RALGPS2: variants seen among roughly 807,000 people sequenced by gnomAD.
RALGPS2 encodes ras-specific guanine nucleotide-releasing factor RalGPS2.
A neutral mutation model predicts 86.8 loss-of-function variants in RALGPS2; 43 were observed. That is an observed-to-expected ratio of 0.50 (90% CI 0.39 to 0.64). RALGPS2 has a LOEUF of 0.64. RALGPS2 is among the 30% of genes least tolerant of loss of function. The pLI is 0.00. For synonymous variants in RALGPS2, 243 were observed against 231.3 expected, an observed-to-expected ratio of 1.05 and a Z score of -0.46; for missense variants, 536 against 694.6, an observed-to-expected ratio of 0.77 and a Z score of 2.57.
intron 6 of RALGPS2, among the ~76,000 whole-genome samples, chr1:178,815,434 T>C (rs1655179564): frequency 6.6e-6 from 1 of 152,178 alleles, no homozygotes; most frequent in Admixed American, 6.5e-5. Flanking sequence ...TAGATGCTAG[T>C]TCTCATAAGC....
intron 1 of RALGPS2, among the ~76,000 whole-genome samples, chr1:178,739,856 A>G (rs1388342089): frequency 2.0e-5 from 3 of 152,206 alleles, no homozygotes; most frequent in Non-Finnish European, 4.4e-5. Flanking sequence ...AACAGTTTGG[A>G]CAGCTGAACT....
intron 13 of RALGPS2, 39 bp from the exon 14 acceptor site, chr1:178,889,603 A>AT (rs1659635124): frequency 7.3e-7 from 1 of 1,368,422 alleles, no homozygotes; most frequent in African/African-American, 1.5e-5. Context: ...TAGAGAGGTA[A>AT]TTCTGATGTT....
chr1:178,859,100 T>C (rs1657783948), intron 8 of RALGPS2, among the ~76,000 whole-genome samples: 1 of 151,932 alleles, frequency 6.6e-6, no homozygotes, highest in African/African-American at 2.4e-5. Context: ...AATTACTTAG[T>C]TTATTAATCT....
intron 12 of RALGPS2, 133 bp downstream of exon 12, chr1:178,885,344 G>T: frequency 3.5e-6 from 3 of 867,374 alleles, no homozygotes; most frequent in South Asian, 2.2e-5. Context: ...TTCTGATTCA[G>T]TAAAATGCCT....
chr1:178,759,794 T>G (rs1240309770), intron 1 of RALGPS2, among the ~76,000 whole-genome samples: 6 of 152,140 alleles, frequency 3.9e-5, no homozygotes, highest in African/African-American at 1.4e-4. Flanking sequence ...TGTAGACATC[T>G]TTTACTTTTT....
chr1:178,821,150 G>A (rs1655486155), intron 6 of RALGPS2, among the ~76,000 whole-genome samples: 1 of 152,154 alleles, frequency 6.6e-6, no homozygotes. Flanking sequence ...GGACTGTACT[G>A]TGAAAGGCAG....
At chr1:178,747,317 T>C in intron 1 of RALGPS2, 4 of 1,532,784 alleles carry the variant, frequency 2.6e-6, no homozygotes, top group East Asian at 2.2e-5. Flanking sequence ...CCAAGTAGTA[T>C]AATGAAAGTG....
intron 1 of RALGPS2, among the ~76,000 whole-genome samples, chr1:178,736,127 G>T (rs1343270004): frequency 6.7e-6 from 1 of 148,736 alleles, no homozygotes; most frequent in African/African-American, 2.5e-5. Context: ...ATGTTGATGT[G>T]TTATGTAATA....
intron 10 of RALGPS2, among the ~76,000 whole-genome samples, chr1:178,880,072 G>A (rs1006579446): frequency 5.9e-5 from 9 of 151,450 alleles, no homozygotes; most frequent in Admixed American, 1.3e-4. Flanking sequence ...CCATTTGTTC[G>A]CAAGCTTTCA....
chr1:178,732,747 T>A (rs1006310329), intron 1 of RALGPS2, among the ~76,000 whole-genome samples: 8 of 151,538 alleles, frequency 5.3e-5, no homozygotes, highest in Non-Finnish European at 7.4e-5. Context: ...TTTTTTTTTT[T>A]AAACATAAAA....
chr1:178,832,098 G>A (rs1471388875), intron 7 of RALGPS2, among the ~76,000 whole-genome samples: 1 of 152,148 alleles, frequency 6.6e-6, no homozygotes, highest in East Asian at 1.9e-4. Context: ...ACTTCCTTAA[G>A]TGGTAAAGAG....
intron 7 of RALGPS2, among the ~76,000 whole-genome samples, chr1:178,822,184 G>A (rs2102226477): frequency 6.6e-6 from 1 of 152,074 alleles, no homozygotes; most frequent in African/African-American, 2.4e-5. Flanking sequence ...GGAATTATTT[G>A]CTGTTGCTGC....
chr1:178,754,789 TTTTGTTTG>T (rs570366787), intron 1 of RALGPS2, among the ~76,000 whole-genome samples: 2 of 152,172 alleles, frequency 1.3e-5, no homozygotes, highest in Admixed American at 6.5e-5. Flanking sequence ...ATTTACCAGT[TTTTGTTTG>T]TTTGTTTGTT....
intron 8 of RALGPS2, among the ~76,000 whole-genome samples, chr1:178,856,196 G>GATAGATAGATAGATAGAT (rs1449088390): frequency 1.5e-4 from 6 of 41,042 alleles, no homozygotes; most frequent in African/African-American, 5.2e-4. Flanking sequence ...TTTCCAGAGA[G>GATAGATAGATAGATAGAT]AGAGAGATAT....
At chr1:178,911,953 T>G (rs1478367088) in intron 19 of RALGPS2, among the ~76,000 whole-genome samples, 1 of 152,238 alleles carries the variant, frequency 6.6e-6, no homozygotes, top group Admixed American at 6.5e-5. Flanking sequence ...CCTTTATCAT[T>G]ATGTAATGCC....
chr1:178,741,112 C>T (rs1650999022), intron 1 of RALGPS2, among the ~76,000 whole-genome samples: 1 of 152,130 alleles, frequency 6.6e-6, no homozygotes, highest in South Asian at 2.1e-4. Flanking sequence ...TCACTTGGAG[C>T]AGAGTAACCT....
chr1:178,778,525 C>A (rs1653215112), intron 2 of RALGPS2, among the ~76,000 whole-genome samples: 1 of 49,414 alleles, frequency 2.0e-5, no homozygotes, highest in Non-Finnish European at 3.9e-5. Context: ...ACCATTTGAC[C>A]CAGCCATCCC....
At chr1:178,882,706 G>A (rs1302818074) in intron 10 of RALGPS2, among the ~76,000 whole-genome samples, 1 of 152,112 alleles carries the variant, frequency 6.6e-6, no homozygotes, top group Non-Finnish European at 1.5e-5. Flanking sequence ...TTCTGAAATA[G>A]CTTCCACTGA....
At chr1:178,730,807 T>G (rs1204259458) in intron 1 of RALGPS2, among the ~76,000 whole-genome samples, 1 of 151,976 alleles carries the variant, frequency 6.6e-6, no homozygotes, top group Admixed American at 6.6e-5. Context: ...GTTTAAGCGA[T>G]TCTCCTGCCT....
Sources: allele counts gnomAD v4.1 joint callset (sites outside exome capture counted in the v4.1 genomes callset), GRCh38; gene constraint gnomAD v4.1.1; transcripts MANE v1.5; gene names NCBI Gene and HGNC (gene_info 2026-07-23, HGNC 2026-07-21).